The following FUS variants were observed in gnomAD, a reference collection of about 807,000 sequenced individuals.
FUS encodes the protein RNA-binding protein FUS.
A neutral mutation model predicts 82.7 loss-of-function variants in FUS; 5 were observed. That is an observed-to-expected ratio of 0.06 (90% CI 0.03 to 0.13). The LOEUF is 0.13. FUS is among the 10% of genes least tolerant of loss of function. FUS has a pLI of 1.00. For missense variants in FUS, 512 were observed against 707.8 expected (o/e 0.72, Z 3.14); for synonymous variants, 281 against 247.4 (o/e 1.14, Z -1.27).
chr16:31,184,426 C>G (rs771515299), intron 5 of FUS, 30 bp downstream of exon 5: 2 of 1,511,392 alleles, frequency 1.3e-6, no homozygotes, highest in African/African-American at 2.8e-5. Flanking sequence ...GTCTGCAGCC[C>G]ATTTTCTTTT....
chr16:31,190,253 A>G lies in FUS; in HGVS notation c.1169-22A>G, dbSNP rs774060557. The G allele has an allele frequency of 2.5e-6, 4 of 1,614,136 alleles. No homozygotes were observed. In the Admixed American group the frequency reaches 5.0e-5, roughly 20 times the overall value. On this transcript the variant is annotated intron_variant, in intron 11 of 14. Coordinates refer to ENST00000254108, the MANE Select transcript of FUS (RefSeq NM_004960.4). The stretch of plus-strand genomic sequence containing the variant: ...CCAAACTTGGAGAGGGAGCAGACCC[A>G]TACTTGGTCTATCTGCATTAGGACC...
At chr16:31,194,505 T>C, downstream of FUS, 1 of 499,400 alleles carries the variant, frequency 2.0e-6, no homozygotes, top group Non-Finnish European at 3.9e-6. Context: ...GCCATGTTGC[T>C]CAGGCTGGTC....
At chr16:31,189,248 A>G in intron 9 of FUS, 22 bp downstream of exon 9, 1 of 1,516,492 alleles carries the variant, frequency 6.6e-7, no homozygotes, top group Non-Finnish European at 9.2e-7. Flanking sequence ...GAGGAGTGGG[A>G]GCTTTCTGTC....
At position 31,189,700 on chromosome 16, in the gene FUS, G is replaced by A. The variant is rs772245489; in HGVS notation, c.972G>A (p.Leu324=). ...AAACGGGACAGCCCATGATTAATTT[G>A]TACACAGACAGGGAAACTGGCAAGC... is the stretch of plus-strand genomic sequence containing the variant. ...NKKTGQPMIN[L]YTDRETGKLK... The change falls in exon 10 of 15, where the codon TTG becomes TTA. Residue 324 remains leucine (L), a synonymous_variant. Transcript: ENST00000254108. 6.2e-7 allele frequency: 1 copy of A among 1,614,190 alleles called. No homozygotes were observed.
chr16:31,192,264 A>AG, downstream of FUS: 1 of 526,752 alleles, frequency 1.9e-6, no homozygotes, highest in Non-Finnish European at 3.7e-6. Context: ...GGAGGGTGGA[A>AG]GGCCCTCCTA....
intron 1 of FUS, among the ~76,000 whole-genome samples, chr16:31,181,330 AG>A (rs538124338): frequency 1.1e-3 from 163 of 152,214 alleles, no homozygotes; most frequent in Non-Finnish European, 2.0e-3. Flanking sequence ...CTGTGCTGGG[AG>A]GATGAGTTGA....
At position 31,185,199 on chromosome 16, in the gene FUS, G is replaced by GGGA; in HGVS notation, c.764+22_764+24dup. The GGGA allele has an allele frequency of 6.3e-7, 1 of 1,597,308 alleles. No homozygotes were observed. Among genetic ancestry groups the GGGA allele is most frequent in the South Asian group, 1.1e-5 (1 of 89,004 alleles). On this transcript the variant is annotated intron_variant, in intron 6 of 14. Transcript: ENST00000254108. ...CATGGGGTAGGTGTCTCATGAGCCA[G>GGGA]GGAGTATCTTTGGTGGGGAGTGTGG... is the stretch of plus-strand genomic sequence containing the variant.
At chr16:31,190,235 TGGAGAG>T (rs768106149) in intron 11 of FUS, 34 bp from the exon 12 acceptor site, 55 of 1,613,686 alleles carry the variant, frequency 3.4e-5, no homozygotes, top group Non-Finnish European at 4.4e-5. Flanking sequence ...TTACCAAACT[TGGAGAG>T]GGAGCAGACC....
chr16:31,187,026 G>A (rs551415027), intron 7 of FUS, 190 bp downstream of exon 7: 2 of 652,598 alleles, frequency 3.1e-6, no homozygotes, highest in Non-Finnish European at 5.5e-6. Flanking sequence ...GTAGGGGTAA[G>A]ACTCAATAGT....
At chr16:31,188,299 TG>T (rs1471153967) in intron 7 of FUS, 25 bp from the exon 8 acceptor site, 2 of 1,610,868 alleles carry the variant, frequency 1.2e-6, no homozygotes, top group Non-Finnish European at 1.7e-6. Context: ...GTTTTTTTTT[TG>T]TTCTTTTTTT....
chr16:31,190,496 C>G (rs944122706), intron 12 of FUS, 98 bp downstream of exon 12: 28 of 1,557,666 alleles, frequency 1.8e-5, no homozygotes, highest in Non-Finnish European at 2.4e-5. Flanking sequence ...AAGTAAATGT[C>G]AAGGCCACAC....
intron 3 of FUS, chr16:31,182,989 G>T: frequency 2.6e-6 from 1 of 383,360 alleles, no homozygotes; most frequent in Non-Finnish European, 5.0e-6. Context: ...GATTACAGGC[G>T]TCAGCCACAA....
chr16:31,190,259 G>A lies in FUS; in HGVS notation c.1169-16G>A. ...TTGGAGAGGGAGCAGACCCATACTT[G>A]GTCTATCTGCATTAGGACCCATGGG... On this transcript the variant is annotated splice_polypyrimidine_tract_variant and intron_variant, in intron 11 of 14. Transcript: ENST00000254108. 1 of 1,614,090 alleles carries A rather than the reference G, an allele frequency of 6.2e-7. No individual in the cohort carries two copies. The highest frequency in any genetic ancestry group is 8.5e-7 in the Non-Finnish European group (1 of 1,180,030).
downstream of FUS, chr16:31,193,247 C>G (rs1016668989): frequency 7.9e-6 from 4 of 505,104 alleles, no homozygotes; most frequent in African/African-American, 1.9e-5. Context: ...ACTTCCCCTG[C>G]CAGCATTGGG....
intron 6 of FUS, 135 bp from the exon 7 acceptor site, chr16:31,186,667 A>G (rs887799692): frequency 4.5e-5 from 35 of 770,394 alleles, no homozygotes; most frequent in Non-Finnish European, 4.2e-5. Context: ...TCAGGAAGGG[A>G]TGTATTTTAG....
At chr16:31,188,278 T>A (rs1329012833) in intron 7 of FUS, 47 bp from the exon 8 acceptor site, 1 of 1,600,698 alleles carries the variant, frequency 6.2e-7, no homozygotes, top group Non-Finnish European at 8.5e-7. Flanking sequence ...GCTCATCTTT[T>A]CCTTGTTTTT....
chr16:31,188,844 CT>C, intron 8 of FUS: 1 of 509,684 alleles, frequency 2.0e-6, no homozygotes, highest in East Asian at 3.4e-5. Context: ...TACTGATGGA[CT>C]TTTCTGTGTG....
chr16:31,188,718 C>T (rs941566172), intron 8 of FUS: 2 of 473,284 alleles, frequency 4.2e-6, no homozygotes, highest in African/African-American at 3.9e-5. Flanking sequence ...AAGACCTGAC[C>T]ACATGAAGTA....
Position 31,182,104 on chromosome 16 carries a change from C to T in FUS, c.14-294C>T, listed in dbSNP as rs2079187895. 6 of 420,776 alleles carry T rather than the reference C, an allele frequency of 1.4e-5. No individual in the cohort carries two copies. In the Admixed American group the frequency reaches 1.8e-4, roughly 13 times the overall value. The allele number at this position is 420,776 out of a possible 1,614,324, so 26.1% of individuals were successfully genotyped here. ...CTCCCGGGTTCAAGCGATTCTCCTG[C>T]TTCACCTCCCGAGTAGCTGGGATTA... On this transcript the variant is annotated intron_variant, in intron 1 of 14. Transcript: ENST00000254108.
Sources: allele counts gnomAD v4.1 joint callset (sites outside exome capture counted in the v4.1 genomes callset), GRCh38; gene constraint gnomAD v4.1.1; transcripts MANE v1.5; gene names NCBI Gene and HGNC (gene_info 2026-07-23, HGNC 2026-07-21).